The following PLA2G6 variants were observed in gnomAD, a reference collection of about 807,000 sequenced individuals.
PLA2G6 encodes the protein phospholipase A2 group VI.
In PLA2G6, 62 loss-of-function variants were observed where a neutral mutation model predicts 83.8. That is an observed-to-expected ratio of 0.74 (90% CI 0.60 to 0.91). The LOEUF (loss-of-function observed/expected upper bound fraction) is 0.91. Among genes scored for constraint, PLA2G6 ranks in the 40% least tolerant of loss-of-function variants. The pLI is 0.00. For missense variants in PLA2G6, 944 were observed against 1,102.0 expected, an observed-to-expected ratio of 0.86 and a Z score of 2.03; for synonymous variants, 417 against 449.8, an observed-to-expected ratio of 0.93 and a Z score of 0.92.
intron 1 of PLA2G6, among the ~76,000 whole-genome samples, chr22:38,172,623 T>C (rs1379738999): frequency 1.3e-5 from 2 of 152,160 alleles, no homozygotes; most frequent in Non-Finnish European, 2.9e-5. Flanking sequence ...GCCGGGAAGA[T>C]GGGGACCTGT....
intron 1 of PLA2G6, among the ~76,000 whole-genome samples, chr22:38,173,277 C>T (rs1421094343): frequency 6.6e-6 from 1 of 152,074 alleles, no homozygotes; most frequent in African/African-American, 2.4e-5. Flanking sequence ...TTGACCTTCC[C>T]GTGGGGTAGA....
At chr22:38,113,421 G>C in intron 15 of PLA2G6, 66 bp downstream of exon 15, 1 of 1,496,644 alleles carries the variant, frequency 6.7e-7, no homozygotes, top group Non-Finnish European at 9.3e-7. Context: ...CACAGGATGA[G>C]GGGAAGCCAT....
Position 38,178,830 on chromosome 22 carries a change from C to T in PLA2G6, c.-46+2834G>A, listed in dbSNP as rs551546271. Among the ~76,000 whole-genome samples, 16 of 152,174 alleles carry T rather than the reference C, an allele frequency of 1.1e-4. No homozygotes were observed. The East Asian group carries it at 1.2e-3, about 11-fold the overall frequency. ...GCAGTGAGCTGAGATCGCACCACTG[C>T]GCTCCAGCCTGGGCAACAGAGTGAG... On this transcript the variant is annotated intron_variant, in intron 1 of 16. Transcript: ENST00000332509.
intron 2 of PLA2G6, chr22:38,163,711 C>T (rs1466863505): frequency 1.8e-5 from 3 of 169,274 alleles, no homozygotes; most frequent in South Asian, 2.0e-4. Flanking sequence ...GGGGACAAGG[C>T]CTGTGTAGGG....
rs555045426 is a variant in PLA2G6, at chr22:38,123,733, G to A, written c.1428-475C>T. ...AAGAAGCAGGGGAGGAGGGGGCAGG[G>A]AGGAAGGGAGAGGTTCATGCCAGGG... On this transcript the variant is annotated intron_variant, in intron 10 of 16. Transcript: ENST00000332509. The surrounding 1 kb of genome is among the most constrained non-coding windows in gnomAD (Gnocchi z 4.1). Among the ~76,000 whole-genome samples, 1 of 152,256 alleles carries A rather than the reference G, an allele frequency of 6.6e-6. No homozygotes were observed. The highest frequency in any genetic ancestry group is 6.5e-5 in the Admixed American group (1 of 15,296).
chr22:38,165,948 C>T (rs1384423997), intron 2 of PLA2G6, among the ~76,000 whole-genome samples: 1 of 152,114 alleles, frequency 6.6e-6, no homozygotes, highest in Non-Finnish European at 1.5e-5. Flanking sequence ...AGGGGAGTGA[C>T]CAATCAGATT....
chr22:38,128,992 T>C lies in PLA2G6; in HGVS notation c.1186+462A>G, dbSNP rs1022749428. Among the ~76,000 whole-genome samples the C allele has an allele frequency of 2.6e-5, 4 of 152,266 alleles. No individual in the cohort carries two copies. Among genetic ancestry groups the C allele is most frequent in the Admixed American group, 1.3e-4 (2 of 15,292 alleles). On this transcript the variant is annotated intron_variant, in intron 8 of 16. Coordinates refer to ENST00000332509, the MANE Select transcript of PLA2G6 (RefSeq NM_003560.4). This position sits in a 1 kb window ranked among gnomAD's most constrained non-coding sequence, Gnocchi z 4.4. ...GGCCTCTGGTGAGGAGGATCTGCTC[T>C]GTCCAGCTCTGAAGCTAAGGCTCAC... is the stretch of plus-strand genomic sequence containing the variant.
At chr22:38,172,776 A>C (rs1336043152) in intron 1 of PLA2G6, among the ~76,000 whole-genome samples, 1 of 152,228 alleles carries the variant, frequency 6.6e-6, no homozygotes, top group African/African-American at 2.4e-5. Context: ...GAAAGTCACC[A>C]GGGGTGCAGT....
chr22:38,115,521 A>G lies in PLA2G6; in HGVS notation c.2034+6T>C. 1 of 1,612,332 alleles carries G rather than the reference A, an allele frequency of 6.2e-7. No individual in the cohort carries two copies. Among genetic ancestry groups the G allele is most frequent in the Non-Finnish European group, 8.5e-7 (1 of 1,179,292 alleles). ...GGGTCCAGGCCCTCTGGCCTACGGC[A>G]CTCACCTTGCGGATCAGGTCCTGAT... On this transcript the variant is annotated splice_donor_region_variant and intron_variant, in intron 14 of 16. Transcript: ENST00000332509.
chr22:38,129,429 C>T (rs751940622), intron 8 of PLA2G6, 25 bp downstream of exon 8: 3 of 1,504,334 alleles, frequency 2.0e-6, no homozygotes, highest in Non-Finnish European at 2.8e-6. Context: ...CACCCCACTC[C>T]AGCCCCAGAG....
chr22:38,139,313 G>C (rs2088741835), intron 5 of PLA2G6: 2 of 152,196 alleles, frequency 1.3e-5, no homozygotes, highest in African/African-American at 2.4e-5. Flanking sequence ...ACCTGGAGGG[G>C]AGCTGGAAAG....
Position 38,123,056 on chromosome 22 carries a change from T to C in PLA2G6, c.1591+39A>G. The C allele has an allele frequency of 6.5e-7, 1 of 1,538,622 alleles. No homozygotes were observed. ...ACTCGGCCCCTTGAGGACACAGGTC[T>C]CAGCCCCGCCTGGCCCCATCCCCAG... On this transcript the variant is annotated intron_variant, in intron 11 of 16. Coordinates refer to ENST00000332509, the MANE Select transcript of PLA2G6 (RefSeq NM_003560.4). The surrounding 1 kb of genome is among the most constrained non-coding windows in gnomAD (Gnocchi z 4.1).
chr22:38,112,674 G>A (rs770768147), intron 15 of PLA2G6, 97 bp from the exon 16 acceptor site: 4 of 1,059,064 alleles, frequency 3.8e-6, no homozygotes, highest in South Asian at 2.7e-5. Context: ...CCAGCCTGGG[G>A]AGCCCCAGGC....
At chr22:38,177,455 C>A (rs546218162) in intron 1 of PLA2G6, among the ~76,000 whole-genome samples, 2 of 143,044 alleles carry the variant, frequency 1.4e-5, no homozygotes, top group Non-Finnish European at 3.0e-5. Flanking sequence ...GGGTAAATTG[C>A]CACTTTTTTT....
rs781141708 is a variant in PLA2G6 at position 38,129,578 on chromosome 22, A to G, written c.1078-16T>C. On this transcript the variant is annotated splice_polypyrimidine_tract_variant and intron_variant, in intron 7 of 16. Transcript: ENST00000332509. ...CGTTGTCTTTCTGTTGGAGATGGAG[A>G]GAGGATAAGACGTGCAACTGCCGGG... 6.3e-7 allele frequency: 1 copy of G among 1,594,052 alleles called. No individual in the cohort carries two copies. Among genetic ancestry groups the G allele is most frequent in the South Asian group, 1.1e-5 (1 of 90,690 alleles).
chr22:38,168,855 A>C (rs1203809737), intron 2 of PLA2G6, among the ~76,000 whole-genome samples: 1 of 152,132 alleles, frequency 6.6e-6, no homozygotes, highest in East Asian at 1.9e-4. Context: ...CTCAAAAAAC[A>C]AAAACCAAAA....
At chr22:38,113,915 A>G (rs2087032270) in intron 14 of PLA2G6, 1 of 585,430 alleles carries the variant, frequency 1.7e-6, no homozygotes, top group Non-Finnish European at 3.2e-6. Flanking sequence ...ACCAGCTGCA[A>G]GAAGGATCCC....
intron 2 of PLA2G6, among the ~76,000 whole-genome samples, chr22:38,154,333 T>C (rs372321585): frequency 6.6e-6 from 1 of 152,232 alleles, no homozygotes; most frequent in African/African-American, 2.4e-5. Flanking sequence ...TGAGCCAGCA[T>C]AGTCCTAGTG....
intron 2 of PLA2G6, among the ~76,000 whole-genome samples, chr22:38,159,762 A>AAGGAAGGAAGGAAG (rs1556132560): frequency 1.3e-5 from 2 of 151,322 alleles, no homozygotes; most frequent in African/African-American, 4.9e-5. Context: ...GGAAGGAAGG[A>AAGGAAGGAAGGAAG]GATCTTCAAC....
Sources: gnomAD v4.1 joint callset for allele counts (sites outside exome capture counted in the v4.1 genomes callset) on GRCh38, gnomAD v4.1.1 for gene constraint, Gnocchi (gnomAD v3.1) non-coding constraint, MANE v1.5 for transcripts, NCBI Gene and HGNC (gene_info 2026-07-23, HGNC 2026-07-21) for gene names.